DIPK2B: variants seen among roughly 807,000 people sequenced by gnomAD.
DIPK2B encodes UPF0672 protein CXorf36.
A neutral mutation model predicts 22.2 loss-of-function variants in DIPK2B; 15 were observed. The ratio of observed to expected loss-of-function variants is 0.68; its 90% CI spans 0.45 to 1.04. The LOEUF is 1.04. DIPK2B is among the 50% of genes least tolerant of loss of function. The probability of loss-of-function intolerance (pLI) is 0.00; values close to 1 mark genes in which losing one functional copy is unlikely to be tolerated. For missense variants in DIPK2B, 345 were observed against 348.3 expected, an observed-to-expected ratio of 0.99 and a Z score of 0.08; for synonymous variants, 163 against 153.2, an observed-to-expected ratio of 1.06 and a Z score of -0.47.
At chrX:45,156,466 T>C (rs939798832) in intron 3 of DIPK2B, among the ~76,000 whole-genome samples, 1 of 112,177 alleles carries the variant, frequency 8.9e-6, no homozygotes, top group African/African-American at 3.2e-5. Flanking sequence ...CAAGGTCTTT[T>C]CTGGGAGAAA....
At chrX:45,172,677 C>T (rs767274907) in intron 2 of DIPK2B, among the ~76,000 whole-genome samples, 214 of 111,816 alleles carry the variant, frequency 1.9e-3, no homozygotes, top group African/African-American at 6.4e-3. Flanking sequence ...TTCTGGCAGG[C>T]GATTCAGCTA....
chrX:45,199,485 C>T (rs1376214821), intron 1 of DIPK2B, among the ~76,000 whole-genome samples: 1 of 111,383 alleles, frequency 9.0e-6, no homozygotes. Flanking sequence ...CCTTCAACCT[C>T]CTCCTCTGTC....
At position 45,149,244 on chromosome X, in the gene DIPK2B, G is replaced by A. The variant is rs2046948670; in HGVS notation, c.*2408C>T. The A allele has an allele frequency of 8.9e-6, 1 of 112,778 alleles. No homozygotes were observed. The highest frequency in any genetic ancestry group is 1.9e-5 in the Non-Finnish European group (1 of 53,338). The allele number at this position is 112,778 out of a possible 1,213,427, so 9.3% of individuals were successfully genotyped here. A position where few individuals can be genotyped will look rare whatever the true frequency, so the allele number is the denominator to read the frequency against. On this transcript the variant is annotated 3_prime_UTR_variant, in exon 5 of 5. Coordinates refer to ENST00000398000, the MANE Select transcript of DIPK2B (RefSeq NM_176819.4). ...TCTCTCTGGTAAGCCTTCTTCCTCC[G>A]TGGGACTCTGGAGGGTCTGGAGGCT...
chrX:45,160,246 C>T (rs1157665881), intron 2 of DIPK2B, among the ~76,000 whole-genome samples: 4 of 109,280 alleles, frequency 3.7e-5, no homozygotes, highest in Non-Finnish European at 7.6e-5. Flanking sequence ...TCACTCTTGT[C>T]CCCCAGGCTG....
At chrX:45,157,395 G>T (rs964038763) in intron 3 of DIPK2B, among the ~76,000 whole-genome samples, 1 of 111,338 alleles carries the variant, frequency 9.0e-6, no homozygotes, top group Non-Finnish European at 1.9e-5. Context: ...TCCTGAGCTC[G>T]GCCCCATCTG....
At chrX:45,171,923 T>C (rs576539527) in intron 2 of DIPK2B, among the ~76,000 whole-genome samples, 75 of 112,355 alleles carry the variant, frequency 6.7e-4, no homozygotes, top group Middle Eastern at 4.6e-3. Flanking sequence ...CACACACTGA[T>C]TGGTGTGCTG....
intron 1 of DIPK2B, among the ~76,000 whole-genome samples, chrX:45,192,670 G>C (rs1249684824): frequency 8.9e-6 from 1 of 112,003 alleles, no homozygotes; most frequent in Non-Finnish European, 1.9e-5. Context: ...AGGCAAGAGT[G>C]ACTACTAAAT....
At chrX:45,177,407 A>G (rs1186077378) in intron 2 of DIPK2B, among the ~76,000 whole-genome samples, 1 of 110,390 alleles carries the variant, frequency 9.1e-6, no homozygotes, top group East Asian at 2.9e-4. Flanking sequence ...TCATGAATAG[A>G]TTAATGCTCT....
rs2047244713 is a variant in DIPK2B, at chrX:45,197,356, GCT to G, written c.233+3236_233+3237del. 1.3e-4 allele frequency among the ~76,000 whole-genome samples: 15 copies of G among 111,146 alleles called. No homozygotes were observed. In the Admixed American group the frequency reaches 1.4e-3, roughly 11 times the overall value. On this transcript the variant is annotated intron_variant, in intron 1 of 4. Coordinates refer to ENST00000398000, the MANE Select transcript of DIPK2B (RefSeq NM_176819.4). ...GGGTTCAAGCAATTCTCCTGCCTCAGCTTCCCGAGTAGCTGGGACTATAGGCG... is the reference window on the plus strand; with the variant it reads ...GGGTTCAAGCAATTCTCCTGCCTCAGTCCCGAGTAGCTGGGACTATAGGCG...
intron 3 of DIPK2B, 103 bp from the exon 4 acceptor site, chrX:45,154,301 A>G (rs2046979230): frequency 3.1e-6 from 2 of 641,121 alleles, no homozygotes; most frequent in Admixed American, 4.0e-5. Context: ...CTATCTATCT[A>G]TCTATCTATC....
chrX:45,185,065 C>A (rs774503558), intron 2 of DIPK2B, among the ~76,000 whole-genome samples: 2 of 112,272 alleles, frequency 1.8e-5, no homozygotes, highest in South Asian at 3.6e-4. Flanking sequence ...CACGGTAGCA[C>A]AATCAATTGA....
At chrX:45,183,837 T>A (rs756561913) in intron 2 of DIPK2B, among the ~76,000 whole-genome samples, 1 of 111,691 alleles carries the variant, frequency 9.0e-6, no homozygotes, top group African/African-American at 3.3e-5. Flanking sequence ...TTAACCCCTA[T>A]AGAGAAAGAA....
intron 3 of DIPK2B, among the ~76,000 whole-genome samples, chrX:45,154,611 C>A (rs1029370420): frequency 2.7e-5 from 3 of 111,179 alleles, no homozygotes; most frequent in Non-Finnish European, 5.6e-5. Context: ...TGCATTTCAA[C>A]AGAGTTCCTC....
intron 2 of DIPK2B, among the ~76,000 whole-genome samples, chrX:45,186,094 T>C (rs2051067090): frequency 1.8e-5 from 2 of 112,305 alleles, no homozygotes; most frequent in Non-Finnish European, 3.8e-5. Context: ...CTCTGACCCA[T>C]TCCAAGTAAC....
chrX:45,156,460 G>A (rs988068025), intron 3 of DIPK2B, among the ~76,000 whole-genome samples: 3 of 112,124 alleles, frequency 2.7e-5, no homozygotes, highest in African/African-American at 9.7e-5. Flanking sequence ...AGTAGCCAAG[G>A]TCTTTTCTGG....
At position 45,151,617 on chromosome X, in the gene DIPK2B, C is replaced by A; in HGVS notation, c.*35G>T. 8.6e-7 allele frequency: 1 copy of A among 1,159,176 alleles called. No homozygotes were observed. The highest frequency in any genetic ancestry group is 1.2e-6 in the Non-Finnish European group (1 of 857,643). ...CCGACTGGGAGAATGGAGAGCCAAG[C>A]GTGTTGTCCCCAAGGCCAGCTAGAC... On this transcript the variant is annotated 3_prime_UTR_variant, in exon 5 of 5. Coordinates refer to ENST00000398000, the MANE Select transcript of DIPK2B (RefSeq NM_176819.4).
At chrX:45,161,217 G>T (rs2047021132) in intron 2 of DIPK2B, among the ~76,000 whole-genome samples, 3 of 112,256 alleles carry the variant, frequency 2.7e-5, no homozygotes, top group African/African-American at 9.7e-5. Flanking sequence ...GCCTTCGACA[G>T]CTATGTATCA....
At chrX:45,153,381 T>C (rs781455077) in intron 4 of DIPK2B, among the ~76,000 whole-genome samples, 153 of 110,692 alleles carry the variant, frequency 1.4e-3, no homozygotes, top group Non-Finnish European at 1.5e-3. Flanking sequence ...GATTGCAAAA[T>C]ATACCAGTGA....
At chrX:45,162,189 C>T (rs769960264) in intron 2 of DIPK2B, 39 of 140,998 alleles carry the variant, frequency 2.8e-4, no homozygotes, top group African/African-American at 4.2e-4. Context: ...TGAGCCATCT[C>T]GGAAGTGGAA....
Sources: allele counts gnomAD v4.1 joint callset (sites outside exome capture counted in the v4.1 genomes callset), GRCh38; gene constraint gnomAD v4.1.1; transcripts MANE v1.5; gene names NCBI Gene and HGNC (gene_info 2026-07-23, HGNC 2026-07-21).